TRIQK: variants seen among roughly 807,000 people sequenced by gnomAD.
TRIQK encodes the protein triple QxxK/R motif-containing protein.
TRIQK carries 10 observed loss-of-function variants against 10.8 expected under a neutral mutation model. That is an observed-to-expected ratio of 0.92 (90% confidence interval 0.57 to 1.57). The LOEUF is 1.57. Ranked by LOEUF, TRIQK falls within the 40% of genes most tolerant of loss-of-function variation. The pLI, the probability that TRIQK is intolerant of heterozygous loss-of-function variation, is 0.00. For synonymous variants in TRIQK, 33 were observed against 33.7 expected, an observed-to-expected ratio of 0.98 and a Z score of 0.07; for missense variants, 107 against 97.7, an observed-to-expected ratio of 1.09 and a Z score of -0.40.
intron 4 of TRIQK, among the ~76,000 whole-genome samples, 165 bp downstream of exon 4, chr8:92,891,824 T>C (rs1180834483): frequency 6.6e-6 from 1 of 151,968 alleles, no homozygotes; most frequent in Non-Finnish European, 1.5e-5. Context: ...ATAGGAAGGA[T>C]GTTTTCCATT....
At chr8:92,912,701 A>C (rs1167991258) in intron 3 of TRIQK, among the ~76,000 whole-genome samples, 1 of 151,974 alleles carries the variant, frequency 6.6e-6, no homozygotes, top group East Asian at 1.9e-4. Context: ...TTTATAAACA[A>C]TTATACACCA....
intron 2 of TRIQK, chr8:92,926,483 T>G (rs1045706360): frequency 2.6e-5 from 4 of 152,200 alleles, no homozygotes; most frequent in African/African-American, 9.7e-5. Flanking sequence ...GAGATTTTTT[T>G]TGTTATACTT....
chr8:92,935,608 T>A (rs1420013542), intron 2 of TRIQK, among the ~76,000 whole-genome samples: 6 of 151,116 alleles, frequency 4.0e-5, no homozygotes, highest in African/African-American at 1.5e-4. Flanking sequence ...CTAAAAGCAA[T>A]AAATAATTAA....
chr8:92,896,139 C>T (rs35596268), intron 3 of TRIQK, among the ~76,000 whole-genome samples: 4,271 of 152,288 alleles, frequency 0.028, 72 homozygotes, highest in South Asian at 0.073. Context: ...CAGGGGACCT[C>T]TGTATTCACT....
intron 1 of TRIQK, among the ~76,000 whole-genome samples, chr8:93,010,140 C>T (rs560152980): frequency 1.3e-4 from 20 of 151,906 alleles, no homozygotes; most frequent in East Asian, 1.9e-4. Context: ...TGAGGAGAGA[C>T]GGGTAAAGGG....
chr8:92,949,901 G>GAAAA (rs975704041), intron 2 of TRIQK, among the ~76,000 whole-genome samples: 19 of 151,692 alleles, frequency 1.3e-4, no homozygotes, highest in Middle Eastern at 3.4e-3. Flanking sequence ...AGGAAAGAAA[G>GAAAA]AAAAAAGAAA....
chr8:92,971,821 A>G (rs893179022), intron 1 of TRIQK, among the ~76,000 whole-genome samples: 3 of 152,190 alleles, frequency 2.0e-5, no homozygotes, highest in African/African-American at 7.2e-5. Flanking sequence ...TGGAACCAAA[A>G]AAGAGCTCAT....
intron 1 of TRIQK, among the ~76,000 whole-genome samples, chr8:93,005,761 G>A (rs963602721): frequency 6.6e-6 from 1 of 151,930 alleles, no homozygotes; most frequent in African/African-American, 2.4e-5. Flanking sequence ...TAATAGAAGT[G>A]GTTTTTCACA....
At chr8:92,976,256 T>C (rs768946503) in intron 1 of TRIQK, among the ~76,000 whole-genome samples, 6 of 151,998 alleles carry the variant, frequency 3.9e-5, no homozygotes, top group Non-Finnish European at 5.9e-5. Context: ...GGTGTTTAAC[T>C]CTCCTACTAT....
At chr8:92,892,270 T>C (rs1816806325) in intron 3 of TRIQK, among the ~76,000 whole-genome samples, 196 bp from the exon 4 acceptor site, 1 of 151,894 alleles carries the variant, frequency 6.6e-6, no homozygotes, top group East Asian at 1.9e-4. Flanking sequence ...AGGAAGAGGA[T>C]ACTGACGGAC....
At chr8:92,932,322 T>C (rs1386086951) in intron 2 of TRIQK, among the ~76,000 whole-genome samples, 1 of 152,198 alleles carries the variant, frequency 6.6e-6, no homozygotes, top group Non-Finnish European at 1.5e-5. Context: ...TAACAAAGCA[T>C]AATCAATGTG....
Position 92,885,065 on chromosome 8 carries a change from G to A in TRIQK, c.*1557C>T. ...AACTCTTGGTCTGTCTCTTGAGTCT[G>A]TGAGTTCAAAGGGAAGAATCTAGTA... On this transcript the variant is annotated 3_prime_UTR_variant, in exon 5 of 5. Coordinates refer to ENST00000521988, the MANE Select transcript of TRIQK (RefSeq NM_001171797.2). 1 of 450,210 alleles carries A rather than the reference G, an allele frequency of 2.2e-6. No individual in the cohort carries two copies. Among genetic ancestry groups the A allele is most frequent in the Non-Finnish European group, 4.5e-6 (1 of 221,944 alleles). 27.9% of individuals were successfully genotyped at this position (450,210 alleles called of 1,614,324 possible).
chr8:92,997,709 A>C (rs892446300), intron 1 of TRIQK, among the ~76,000 whole-genome samples: 3 of 152,098 alleles, frequency 2.0e-5, no homozygotes, highest in Non-Finnish European at 4.4e-5. Context: ...TGAATCAATC[A>C]ATGAATTAAT....
At chr8:92,958,069 C>G (rs939106774) in intron 1 of TRIQK, among the ~76,000 whole-genome samples, 16 of 151,974 alleles carry the variant, frequency 1.1e-4, no homozygotes, top group African/African-American at 3.6e-4. Context: ...ATCCTCATTG[C>G]CTCCAAGATG....
At chr8:92,998,981 T>C (rs967847009) in intron 1 of TRIQK, among the ~76,000 whole-genome samples, 3 of 152,122 alleles carry the variant, frequency 2.0e-5, no homozygotes, top group African/African-American at 7.2e-5. Context: ...GAGATGGACT[T>C]GTAGGACTAT....
intron 1 of TRIQK, among the ~76,000 whole-genome samples, chr8:92,971,860 A>C (rs1812879890): frequency 6.6e-6 from 1 of 152,194 alleles, no homozygotes; most frequent in African/African-American, 2.4e-5. Context: ...AATAAAAAGA[A>C]CAGAGCTAGA....
chr8:92,917,397 T>C (rs921799477), intron 2 of TRIQK, among the ~76,000 whole-genome samples: 4 of 152,064 alleles, frequency 2.6e-5, no homozygotes, highest in African/African-American at 9.6e-5. Flanking sequence ...ATACTTACTA[T>C]GTTACATTAA....
At position 92,884,788 on chromosome 8, in the gene TRIQK, A is replaced by C. The variant is rs1816383044; in HGVS notation, c.*1834T>G. The C allele has an allele frequency of 2.2e-6, 1 of 453,240 alleles. No homozygotes were observed. Among genetic ancestry groups the C allele is most frequent in the African/African-American group, 2.0e-5 (1 of 49,886 alleles). 28.1% of individuals were successfully genotyped at this position (453,240 alleles called of 1,614,324 possible). ...ATCTTTATTTAATACGACTGTTTTA[A>C]CACCATATGGAACGGGAAATAACTA... On this transcript the variant is annotated 3_prime_UTR_variant, in exon 5 of 5. Coordinates refer to ENST00000521988, the MANE Select transcript of TRIQK (RefSeq NM_001171797.2).
intron 3 of TRIQK, among the ~76,000 whole-genome samples, chr8:92,901,920 T>G (rs952334223): frequency 6.6e-6 from 1 of 152,162 alleles, no homozygotes; most frequent in African/African-American, 2.4e-5. Flanking sequence ...TCTCATTGTT[T>G]GTTATTGTTC....
Sources: gnomAD v4.1 joint callset for allele counts (sites outside exome capture counted in the v4.1 genomes callset) on GRCh38, gnomAD v4.1.1 for gene constraint, MANE v1.5 for transcripts, NCBI Gene and HGNC (gene_info 2026-07-23, HGNC 2026-07-21) for gene names.